Variants in STXBP5 observed in about 807,000 individuals in gnomAD.
STXBP5 encodes the protein syntaxin binding protein 5, also known as syntaxin-binding protein 5.
In STXBP5, 50 loss-of-function variants were observed where a neutral mutation model predicts 152.4. That is an observed-to-expected ratio of 0.33 (90% CI 0.26 to 0.42). The LOEUF (loss-of-function observed/expected upper bound fraction) is 0.42, where lower values mean the gene tolerates loss of function less well. STXBP5 is among the 10% of genes least tolerant of loss of function. STXBP5 has a pLI of 1.00. For missense variants in STXBP5, 1,167 were observed against 1,388.6 expected (o/e 0.84, Z 2.54); for synonymous variants, 492 against 494.7 (o/e 0.99, Z 0.07).
At chr6:147,346,081 G>T (rs1040635820) in intron 21 of STXBP5, among the ~76,000 whole-genome samples, 1 of 152,168 alleles carries the variant, frequency 6.6e-6, no homozygotes, top group Non-Finnish European at 1.5e-5. Flanking sequence ...CAGAAACAAT[G>T]TGTCTTTCAA....
chr6:147,294,383 T>A (rs747993588), intron 9 of STXBP5, among the ~76,000 whole-genome samples: 2 of 152,130 alleles, frequency 1.3e-5, no homozygotes, highest in Non-Finnish European at 2.9e-5. Context: ...CCTCATTGAG[T>A]TGTTAAAAAA....
intron 21 of STXBP5, among the ~76,000 whole-genome samples, chr6:147,346,417 G>A (rs1281498694): frequency 1.3e-5 from 2 of 152,120 alleles, no homozygotes; most frequent in African/African-American, 2.4e-5. Flanking sequence ...GACCTGAAGC[G>A]AGTATATTCC....
rs1783977615 is a variant in STXBP5 at position 147,339,198 on chromosome 6, T to C, written c.2166T>C (p.Asn722=). ...GTGTAGGTTCTTCATCACCACACAATTCAGATGATGAACAAAAAATGAATA... is the reference window on the plus strand; with the variant it reads ...GTGTAGGTTCTTCATCACCACACAACTCAGATGATGAACAAAAAATGAATA... ...SPTSGSSSPH[N]SDDEQKMNNF... is the part of the protein sequence containing the mutation. The change falls in exon 20 of 28, where the codon AAT becomes AAC. Residue 722 remains asparagine (N), a synonymous_variant. Transcript: ENST00000321680. The C allele has an allele frequency of 1.3e-6, 2 of 1,540,414 alleles. No homozygotes were observed. The highest frequency in any genetic ancestry group is 2.0e-5 in the Admixed American group (1 of 49,334).
intron 2 of STXBP5, among the ~76,000 whole-genome samples, chr6:147,209,023 TA>T (rs1299541592): frequency 6.6e-6 from 1 of 152,148 alleles, no homozygotes; most frequent in African/African-American, 2.4e-5. Context: ...GTATTTTTAA[TA>T]ATGTTACTGT....
chr6:147,381,904 CA>C (rs1786103982), intron 26 of STXBP5, among the ~76,000 whole-genome samples: 1 of 152,144 alleles, frequency 6.6e-6, no homozygotes, highest in African/African-American at 2.4e-5. Flanking sequence ...TGACTGCTAA[CA>C]GGCATGGAGC....
Position 147,296,218 on chromosome 6 carries a change from A to G in STXBP5, c.917+5046A>G, listed in dbSNP as rs756982588. ...TGAACTGGCATGAACCTGTGCCTTC[A>G]GTAGGAAAAAAAAAAGCTCAGCAAA... On this transcript the variant is annotated intron_variant, in intron 9 of 27. Transcript: ENST00000321680. Among the ~76,000 whole-genome samples the G allele has an allele frequency of 2.6e-5, 4 of 152,116 alleles. 1 individual carries two copies. Among genetic ancestry groups the G allele is most frequent in the South Asian group, 4.2e-4 (2 of 4,818 alleles).
chr6:147,335,827 A>G (rs1033595511), intron 19 of STXBP5, among the ~76,000 whole-genome samples: 2 of 152,166 alleles, frequency 1.3e-5, no homozygotes, highest in African/African-American at 4.8e-5. Flanking sequence ...GAAAAAGTAA[A>G]TAAAGGTTAA....
intron 16 of STXBP5, among the ~76,000 whole-genome samples, chr6:147,319,108 T>A (rs1284924781): frequency 2.6e-5 from 4 of 152,136 alleles, no homozygotes; most frequent in African/African-American, 9.7e-5. Flanking sequence ...TTAGAAATGT[T>A]TGTAACATTA....
chr6:147,271,935 C>A (rs912612315), intron 7 of STXBP5, among the ~76,000 whole-genome samples: 13 of 152,054 alleles, frequency 8.5e-5, no homozygotes, highest in Non-Finnish European at 1.6e-4. Flanking sequence ...AAAAGGGTAT[C>A]ATTCCAGTTT....
At chr6:147,275,100 TAAG>T (rs1440363721) in intron 7 of STXBP5, among the ~76,000 whole-genome samples, 1 of 152,166 alleles carries the variant, frequency 6.6e-6, no homozygotes, top group Non-Finnish European at 1.5e-5. Flanking sequence ...TCTTGTCTAA[TAAG>T]AATAGCAGAA....
In STXBP5 at chr6:147,386,860, T is replaced by C. The variant is rs1267706395; in HGVS notation, c.*2105T>C. 2.6e-5 allele frequency: 4 copies of C among 151,784 alleles called. No homozygotes were observed. Among genetic ancestry groups the C allele is most frequent in the African/African-American group, 9.7e-5 (4 of 41,426 alleles). 9.4% of individuals were successfully genotyped at this position (151,784 alleles called of 1,614,324 possible). A position where few individuals can be genotyped will look rare whatever the true frequency, so the allele number is the denominator to read the frequency against. On this transcript the variant is annotated 3_prime_UTR_variant, in exon 28 of 28. Transcript: ENST00000321680. The stretch of plus-strand genomic sequence containing the variant: ...TATCTATGTGGAAGGTCATATTAGC[T>C]GCAATTATTTAATTTGCTGTGTTAT...
rs1249161759 is a variant in STXBP5 at position 147,386,992 on chromosome 6, A to G, written c.*2237A>G. 1 of 151,852 alleles carries G rather than the reference A, an allele frequency of 6.6e-6. No individual in the cohort carries two copies. Among genetic ancestry groups the G allele is most frequent in the Non-Finnish European group, 1.5e-5 (1 of 67,786 alleles). 9.4% of individuals were successfully genotyped at this position (151,852 alleles called of 1,614,324 possible). ...ATCTTGTAATTATTTTCAAATATAG[A>G]AGTATATACATTAGATGGATTTCCA... On this transcript the variant is annotated 3_prime_UTR_variant, in exon 28 of 28. Coordinates refer to ENST00000321680, the MANE Select transcript of STXBP5 (RefSeq NM_001127715.4).
intron 4 of STXBP5, among the ~76,000 whole-genome samples, chr6:147,256,053 G>T (rs553265273): frequency 7.9e-5 from 12 of 152,306 alleles, no homozygotes; most frequent in African/African-American, 2.9e-4. Context: ...TTAAAAGAAT[G>T]TTTGGAAGGG....
chr6:147,334,085 A>G (rs1486756217), intron 18 of STXBP5, 72 bp from the exon 19 acceptor site: 5 of 1,437,188 alleles, frequency 3.5e-6, no homozygotes, highest in Admixed American at 1.8e-5. Flanking sequence ...TTAAATGTGT[A>G]CTATAAATAA....
At chr6:147,279,695 T>G (rs755576311) in intron 8 of STXBP5, among the ~76,000 whole-genome samples, 2 of 152,216 alleles carry the variant, frequency 1.3e-5, no homozygotes, top group Non-Finnish European at 2.9e-5. Flanking sequence ...ATATTTCTTA[T>G]GATAGTAGGT....
At chr6:147,253,512 A>G (rs1779202299) in intron 4 of STXBP5, among the ~76,000 whole-genome samples, 1 of 152,192 alleles carries the variant, frequency 6.6e-6, no homozygotes, top group Non-Finnish European at 1.5e-5. Flanking sequence ...CAGGAAGTCA[A>G]ATTGTCTCTG....
intron 9 of STXBP5, among the ~76,000 whole-genome samples, chr6:147,303,363 A>T (rs527634092): frequency 6.6e-6 from 1 of 152,132 alleles, no homozygotes; most frequent in Non-Finnish European, 1.5e-5. Flanking sequence ...GCTCTCTGTC[A>T]TGTGAAGAAG....
chr6:147,232,008 C>G (rs1191691976), intron 2 of STXBP5, among the ~76,000 whole-genome samples: 1 of 151,822 alleles, frequency 6.6e-6, no homozygotes, highest in Non-Finnish European at 1.5e-5. Context: ...GTGAATAATA[C>G]ATTGTCTTAA....
At chr6:147,262,045 T>A (rs184282634) in intron 5 of STXBP5, among the ~76,000 whole-genome samples, 2 of 152,124 alleles carry the variant, frequency 1.3e-5, no homozygotes, top group East Asian at 3.9e-4. Context: ...AAATTGAAGA[T>A]TCTTTCCTAT....
Sources: allele counts gnomAD v4.1 joint callset (sites outside exome capture counted in the v4.1 genomes callset), GRCh38; gene constraint gnomAD v4.1.1; transcripts MANE v1.5; gene names NCBI Gene and HGNC (gene_info 2026-07-23, HGNC 2026-07-21).